MYO1E: variants seen among roughly 807,000 people sequenced by gnomAD.
The protein encoded by MYO1E is unconventional myosin-Ie.
Under a neutral mutation model 151.1 loss-of-function variants are expected in MYO1E, and 68 were observed. That is an observed-to-expected ratio of 0.45 (90% CI 0.37 to 0.55). The LOEUF (loss-of-function observed/expected upper bound fraction) is 0.55, where lower values mean the gene tolerates loss of function less well. MYO1E is among the 20% of genes least tolerant of loss of function. MYO1E has a pLI of 0.00. For missense variants in MYO1E, 1,363 were observed against 1,389.3 expected (o/e 0.98, Z 0.30); for synonymous variants, 601 against 501.7 (o/e 1.20, Z -2.64).
chr15:59,207,592 C>T (rs770949593), intron 14 of MYO1E: 13 of 1,613,958 alleles, frequency 8.1e-6, no homozygotes, highest in South Asian at 3.3e-5. Context: ...GGATACTGCT[C>T]GTTTTCGTTT....
chr15:59,205,124 C>T (rs1397204296), intron 15 of MYO1E, among the ~76,000 whole-genome samples: 2 of 152,200 alleles, frequency 1.3e-5, no homozygotes, highest in Non-Finnish European at 2.9e-5. Context: ...ATGCTAACCA[C>T]TAAACATCAC....
chr15:59,170,898 A>G (rs1434366945), intron 22 of MYO1E, among the ~76,000 whole-genome samples: 1 of 152,156 alleles, frequency 6.6e-6, no homozygotes, highest in East Asian at 1.9e-4. Context: ...TCCTGAGCGC[A>G]CCAGTTTTGC....
chr15:59,367,309 C>T (rs151019296), intron 1 of MYO1E, among the ~76,000 whole-genome samples: 110 of 152,246 alleles, frequency 7.2e-4, no homozygotes, highest in Middle Eastern at 6.8e-3. Context: ...GAATGCACGC[C>T]GCTGCTCATT....
chr15:59,271,592 T>G (rs2080289361), intron 2 of MYO1E, among the ~76,000 whole-genome samples: 2 of 152,240 alleles, frequency 1.3e-5, no homozygotes, highest in Admixed American at 1.3e-4. Flanking sequence ...GAATCAAATT[T>G]CCATTCTGCA....
chr15:59,354,351 C>G (rs1300895993), intron 1 of MYO1E, among the ~76,000 whole-genome samples: 1 of 152,216 alleles, frequency 6.6e-6, no homozygotes, highest in African/African-American at 2.4e-5. Flanking sequence ...AGAACAGACA[C>G]AACCTTGGTC....
Position 59,162,789 on chromosome 15 carries a change from C to T in MYO1E, c.2627+368G>A, listed in dbSNP as rs113999344. Among the ~76,000 whole-genome samples, 1,444 of 152,166 alleles carry T rather than the reference C, an allele frequency of 9.5e-3. 28 individuals are homozygous for T. The highest frequency in any genetic ancestry group is 0.033 in the African/African-American group (1,365 of 41,532). The stretch of plus-strand genomic sequence containing the variant: ...CATTGGTTTGGGGAATTTAAACCCC[C>T]ACCTCTGTCACTTTTATCTGCTTCC... On this transcript the variant is annotated intron_variant, in intron 23 of 27. Transcript: ENST00000288235.
At chr15:59,169,359 G>A (rs1162744644) in intron 22 of MYO1E, among the ~76,000 whole-genome samples, 2 of 152,208 alleles carry the variant, frequency 1.3e-5, no homozygotes, top group Non-Finnish European at 2.9e-5. Context: ...ACACACGCAT[G>A]TTCAGTAGTC....
intron 4 of MYO1E, among the ~76,000 whole-genome samples, chr15:59,251,789 A>G (rs1453431164): frequency 6.6e-6 from 1 of 152,278 alleles, no homozygotes; most frequent in Admixed American, 6.5e-5. Context: ...ATGCAAAACA[A>G]CTGAAATTGT....
chr15:59,303,337 C>T (rs1249175468), intron 1 of MYO1E, among the ~76,000 whole-genome samples: 1 of 152,002 alleles, frequency 6.6e-6, no homozygotes, highest in African/African-American at 2.4e-5. Flanking sequence ...ATCACCTGAG[C>T]CAGGAGGTCG....
At chr15:59,266,625 C>T (rs940793345) in intron 2 of MYO1E, 1 of 149,118 alleles carries the variant, frequency 6.7e-6, no homozygotes, top group Non-Finnish European at 1.5e-5. Flanking sequence ...AATGTGATGG[C>T]AGTACAACTT....
At chr15:59,149,926 T>C (rs1422778468) in intron 26 of MYO1E, among the ~76,000 whole-genome samples, 1 of 152,230 alleles carries the variant, frequency 6.6e-6, no homozygotes, top group Non-Finnish European at 1.5e-5. Context: ...AACAGCCTCC[T>C]GTGGAATAAA....
At chr15:59,293,406 C>T (rs1382405970) in intron 1 of MYO1E, among the ~76,000 whole-genome samples, 1 of 151,818 alleles carries the variant, frequency 6.6e-6, no homozygotes, top group African/African-American at 2.4e-5. Flanking sequence ...ATTAGCCAGG[C>T]GTGGTGGCAG....
intron 26 of MYO1E, among the ~76,000 whole-genome samples, chr15:59,138,958 G>A (rs1239954076): frequency 6.6e-6 from 1 of 152,108 alleles, no homozygotes. Context: ...GATGCCTGCA[G>A]CTATCGTTCC....
At chr15:59,336,836 A>G (rs895799120) in intron 1 of MYO1E, among the ~76,000 whole-genome samples, 1 of 151,260 alleles carries the variant, frequency 6.6e-6, no homozygotes, top group Non-Finnish European at 1.5e-5. Context: ...CAGTGAGAAC[A>G]TGCGGTGTTT....
chr15:59,153,585 C>G lies in MYO1E; in HGVS notation c.3080+5G>C. ...GGCTTCATCCAGAGGATGTGAGAATCTTACCCTGCAGCTCCCTGGTCCGGG... is the reference window on the plus strand; with the variant it reads ...GGCTTCATCCAGAGGATGTGAGAATGTTACCCTGCAGCTCCCTGGTCCGGG... On this transcript the variant is annotated splice_donor_5th_base_variant and intron_variant, in intron 26 of 27. Transcript: ENST00000288235. The G allele has an allele frequency of 6.2e-7, 1 of 1,613,910 alleles. No homozygotes were observed. Among genetic ancestry groups the G allele is most frequent in the Non-Finnish European group, 8.5e-7 (1 of 1,179,948 alleles).
At chr15:59,205,301 T>C in intron 15 of MYO1E, 99 bp downstream of exon 15, 1 of 1,191,678 alleles carries the variant, frequency 8.4e-7, no homozygotes. Context: ...TAGCTGGGAC[T>C]ATAGGAACAC....
intron 1 of MYO1E, among the ~76,000 whole-genome samples, chr15:59,332,126 TC>T (rs1212594616): frequency 3.9e-5 from 6 of 152,214 alleles, no homozygotes; most frequent in African/African-American, 1.4e-4. Flanking sequence ...CCATTTTGTG[TC>T]CTAAAACAAC....
chr15:59,239,479 T>C (rs1373525265), intron 4 of MYO1E, among the ~76,000 whole-genome samples: 1 of 151,354 alleles, frequency 6.6e-6, no homozygotes, highest in Non-Finnish European at 1.5e-5. Context: ...TATAAAATAA[T>C]ATATATAAAG....
chr15:59,157,560 G>GC (rs2140308833), intron 25 of MYO1E, among the ~76,000 whole-genome samples: 1 of 152,234 alleles, frequency 6.6e-6, no homozygotes, highest in African/African-American at 2.4e-5. Flanking sequence ...TCGTCCCTTT[G>GC]CCCAGCCTAT....
Sources: gnomAD v4.1 joint callset for allele counts (sites outside exome capture counted in the v4.1 genomes callset) on GRCh38, gnomAD v4.1.1 for gene constraint, MANE v1.5 for transcripts, NCBI Gene and HGNC (gene_info 2026-07-23, HGNC 2026-07-21) for gene names.